The following COMMD10 variants were observed in gnomAD, a reference collection of about 807,000 sequenced individuals.
COMMD10 encodes the protein COMM domain containing 10, also known as COMM domain-containing protein 10.
Under a neutral mutation model 28.9 loss-of-function variants are expected in COMMD10, and 33 were observed. The ratio of observed to expected loss-of-function variants is 1.14; its 90% CI spans 0.87 to 1.53. The LOEUF (loss-of-function observed/expected upper bound fraction) is 1.53. Ranked by LOEUF, COMMD10 falls within the 40% of genes most tolerant of loss-of-function variation. The pLI is 0.00. For missense variants in COMMD10, 310 were observed against 233.4 expected (o/e 1.33, Z -2.14); for synonymous variants, 110 against 81.7 (o/e 1.35, Z -1.87).
intron 4 of COMMD10, among the ~76,000 whole-genome samples, chr5:116,094,311 A>G (rs1159661850): frequency 6.6e-6 from 1 of 152,234 alleles, no homozygotes; most frequent in African/African-American, 2.4e-5. Context: ...AAGGAACTCA[A>G]ACATCTCAAC....
rs143964154 is a variant in COMMD10, at chr5:116,225,353, G to GTTTTTTTTTTTTTTTTTTTTTTTTT, written c.511-66164_511-66163insTTTTTTTTTTTTTTTTTTTTTTTTT. On this transcript the variant is annotated intron_variant, in intron 5 of 6. Coordinates refer to ENST00000274458, the MANE Select transcript of COMMD10 (RefSeq NM_016144.4). Reference sequence around the variant, plus strand: ...AGACTTTCCTGTTTGTTTTTTTGGGGATTTTTTTTTTTTTTTTTGCATATG... The same window carrying GTTTTTTTTTTTTTTTTTTTTTTTTT: ...AGACTTTCCTGTTTGTTTTTTTGGGGTTTTTTTTTTTTTTTTTTTTTTTTTATTTTTTTTTTTTTTTTTGCATATG... Among the ~76,000 whole-genome samples, 14 of 116,512 alleles carry GTTTTTTTTTTTTTTTTTTTTTTTTT rather than the reference G, an allele frequency of 1.2e-4. 6 individuals are homozygous for GTTTTTTTTTTTTTTTTTTTTTTTTT. The highest frequency in any genetic ancestry group is 6.8e-5 in the Non-Finnish European group (4 of 58,966). The allele number at this position is 116,512 out of a possible 152,430, so 76.4% of individuals were successfully genotyped here. A position where few individuals can be genotyped will look rare whatever the true frequency, so the allele number is the denominator to read the frequency against.
intron 5 of COMMD10, among the ~76,000 whole-genome samples, chr5:116,282,019 TC>T (rs1245983621): frequency 1.3e-5 from 2 of 151,904 alleles, no homozygotes; most frequent in Non-Finnish European, 2.9e-5. Context: ...AATTCTCTTT[TC>T]TGGCTCTCCA....
At chr5:116,189,000 C>G (rs7718502) in intron 5 of COMMD10, among the ~76,000 whole-genome samples, 150,410 of 152,342 alleles carry the variant, frequency 0.99, 74,272 homozygotes, top group South Asian at 1. Flanking sequence ...CATTTGCCAC[C>G]TAATTCCTTA....
In COMMD10 at chr5:116,268,665, C is replaced by G. The variant is rs142245923; in HGVS notation, c.511-22852C>G. ...ACACACACATATGTTTATTGCGGCA[C>G]TATTCACAATAGCAAAGACTTGGAA... On this transcript the variant is annotated intron_variant, in intron 5 of 6. Coordinates refer to ENST00000274458, the MANE Select transcript of COMMD10 (RefSeq NM_016144.4). Among the ~76,000 whole-genome samples, 72 of 151,936 alleles carry G rather than the reference C, an allele frequency of 4.7e-4. No homozygotes were observed. In the East Asian group the frequency reaches 0.013, roughly 27 times the overall value.
At chr5:116,273,503 G>T (rs1259766291) in intron 5 of COMMD10, among the ~76,000 whole-genome samples, 1 of 151,758 alleles carries the variant, frequency 6.6e-6, no homozygotes. Flanking sequence ...TTATTATTGA[G>T]AACTTTTAAA....
intron 5 of COMMD10, among the ~76,000 whole-genome samples, chr5:116,170,269 T>C (rs147499069): frequency 0.053 from 8,101 of 152,114 alleles, 304 homozygotes; most frequent in African/African-American, 0.11. Flanking sequence ...TATCTAGAAA[T>C]ACAACTTACA....
chr5:116,103,567 G>C (rs1367782451), intron 4 of COMMD10, among the ~76,000 whole-genome samples: 1 of 152,094 alleles, frequency 6.6e-6, no homozygotes, highest in Non-Finnish European at 1.5e-5. Context: ...TTAGCCCTTT[G>C]TCAGATGGAT....
chr5:116,095,514 T>C (rs183306620), intron 4 of COMMD10, among the ~76,000 whole-genome samples: 1 of 152,304 alleles, frequency 6.6e-6, no homozygotes, highest in Non-Finnish European at 1.5e-5. Context: ...GGAGCATCTG[T>C]ATATTCTCTA....
intron 5 of COMMD10, among the ~76,000 whole-genome samples, chr5:116,188,800 T>C (rs10042964): frequency 3.4e-4 from 51 of 152,088 alleles, no homozygotes; most frequent in African/African-American, 1.2e-3. Flanking sequence ...GACTAATCTT[T>C]GTATTTTTTT....
chr5:116,228,822 T>C (rs1749459871), intron 5 of COMMD10, among the ~76,000 whole-genome samples: 1 of 152,148 alleles, frequency 6.6e-6, no homozygotes, highest in East Asian at 1.9e-4. Context: ...TTTAACTGTT[T>C]CTTAATTCAG....
chr5:116,097,348 A>G (rs1158071481), intron 4 of COMMD10, among the ~76,000 whole-genome samples: 3 of 152,228 alleles, frequency 2.0e-5, no homozygotes, highest in African/African-American at 7.2e-5. Flanking sequence ...AGATGTTATA[A>G]TGAGTTCTTT....
chr5:116,088,395 A>G (rs1283413774), intron 2 of COMMD10, among the ~76,000 whole-genome samples: 1 of 152,208 alleles, frequency 6.6e-6, no homozygotes, highest in Non-Finnish European at 1.5e-5. Context: ...CCCTGCCTAT[A>G]GTCTTCTTGC....
At chr5:116,143,242 G>C (rs1485113275) in intron 5 of COMMD10, among the ~76,000 whole-genome samples, 1 of 151,472 alleles carries the variant, frequency 6.6e-6, no homozygotes, top group Non-Finnish European at 1.5e-5. Context: ...AGGCTGTCAA[G>C]TGGAAAGTCT....
intron 4 of COMMD10, among the ~76,000 whole-genome samples, chr5:116,101,744 C>T (rs1022809213): frequency 1.3e-5 from 2 of 152,168 alleles, no homozygotes; most frequent in Non-Finnish European, 2.9e-5. Context: ...TTTTAATAGC[C>T]ATTCTGACTA....
intron 4 of COMMD10, among the ~76,000 whole-genome samples, chr5:116,108,365 G>A (rs1174815282): frequency 1.3e-5 from 2 of 152,268 alleles, no homozygotes; most frequent in African/African-American, 4.8e-5. Flanking sequence ...TTTCAGAGAT[G>A]CCCTGCCCAG....
chr5:116,088,192 T>G (rs1394275910), intron 2 of COMMD10, among the ~76,000 whole-genome samples: 1 of 152,214 alleles, frequency 6.6e-6, no homozygotes, highest in Non-Finnish European at 1.5e-5. Flanking sequence ...AACTGCTCTG[T>G]GCAGTGCCAT....
At chr5:116,275,658 G>A (rs1355487263) in intron 5 of COMMD10, among the ~76,000 whole-genome samples, 2 of 151,684 alleles carry the variant, frequency 1.3e-5, no homozygotes, top group Admixed American at 6.6e-5. Context: ...AATACACCAT[G>A]TTCTGTATAA....
At chr5:116,215,317 T>C (rs927071435) in intron 5 of COMMD10, among the ~76,000 whole-genome samples, 1 of 152,076 alleles carries the variant, frequency 6.6e-6, no homozygotes, top group African/African-American at 2.4e-5. Flanking sequence ...CTTCAAAATA[T>C]TTTAAGTATT....
intron 5 of COMMD10, among the ~76,000 whole-genome samples, chr5:116,151,846 C>G (rs994298706): frequency 3.9e-5 from 6 of 152,016 alleles, no homozygotes; most frequent in African/African-American, 1.2e-4. Flanking sequence ...TTTTTTGTGT[C>G]TGTATTTCCT....
Sources: allele counts gnomAD v4.1 joint callset (sites outside exome capture counted in the v4.1 genomes callset), GRCh38; gene constraint gnomAD v4.1.1; transcripts MANE v1.5; gene names NCBI Gene and HGNC (gene_info 2026-07-23, HGNC 2026-07-21).